The following COL5A1 variants were observed in gnomAD, a reference collection of about 807,000 sequenced individuals.
The protein encoded by COL5A1 is collagen type V alpha 1 chain.
A neutral mutation model predicts 263.7 loss-of-function variants in COL5A1; 16 were observed. The observed-to-expected ratio is 0.06, with a 90% CI of 0.04 to 0.09. The LOEUF is 0.09. Among genes scored for constraint, COL5A1 ranks in the 10% least tolerant of loss-of-function variants. The probability of loss-of-function intolerance (pLI) is 1.00; values close to 1 mark genes in which losing one functional copy is unlikely to be tolerated. For missense variants in COL5A1, 2,036 were observed against 2,540.5 expected, an observed-to-expected ratio of 0.80 and a Z score of 4.27; for synonymous variants, 1,012 against 1,004.5, an observed-to-expected ratio of 1.01 and a Z score of -0.14.
intron 1 of COL5A1, among the ~76,000 whole-genome samples, chr9:134,690,367 G>C (rs1355647112): frequency 2.0e-5 from 3 of 152,172 alleles, no homozygotes; most frequent in Non-Finnish European, 4.4e-5. Flanking sequence ...GGCCTCAGGT[G>C]GGGTGAAGGT....
chr9:134,739,322 C>T (rs540531325), intron 11 of COL5A1, among the ~76,000 whole-genome samples: 26 of 152,338 alleles, frequency 1.7e-4, no homozygotes, highest in East Asian at 5.8e-4. Context: ...ACCTGGTGGG[C>T]GCTCCAAGTA....
chr9:134,662,294 C>A (rs933672059), intron 1 of COL5A1, among the ~76,000 whole-genome samples: 1 of 152,204 alleles, frequency 6.6e-6, no homozygotes, highest in Non-Finnish European at 1.5e-5. Flanking sequence ...CCAGGCCGCT[C>A]AGGGCAGCTA....
chr9:134,694,874 G>A (rs958319824), intron 2 of COL5A1, among the ~76,000 whole-genome samples: 3 of 152,132 alleles, frequency 2.0e-5, no homozygotes, highest in Admixed American at 6.5e-5. Context: ...TGAAGGCAGC[G>A]GGCCTGGCTT....
intron 48 of COL5A1, 28 bp downstream of exon 48, chr9:134,812,740 G>A (rs1242508215): frequency 1.4e-6 from 2 of 1,466,854 alleles, no homozygotes; most frequent in Non-Finnish European, 1.9e-6. Flanking sequence ...TCTGGTGGCA[G>A]ATTTGCGGTT....
intron 4 of COL5A1, among the ~76,000 whole-genome samples, chr9:134,704,443 G>A (rs1419738376): frequency 1.3e-5 from 2 of 152,196 alleles, no homozygotes; most frequent in Non-Finnish European, 2.9e-5. Flanking sequence ...CTCTTGAATG[G>A]AGGAGGCTGT....
intron 2 of COL5A1, chr9:134,691,447 G>A (rs1022347754): frequency 3.3e-6 from 1 of 301,326 alleles, no homozygotes; most frequent in East Asian, 7.4e-5. Flanking sequence ...GGGGTCGTGG[G>A]AAAGGAAGCA....
chr9:134,757,954 A>G lies in COL5A1; in HGVS notation c.1882-289A>G, dbSNP rs559167833. On this transcript the variant is annotated intron_variant, in intron 17 of 65. Transcript: ENST00000371817. The surrounding 1 kb of genome is among the most constrained non-coding windows in gnomAD (Gnocchi z 6.2). ...GACACTCACACACACGGGAAACTGC[A>G]GCGGTCGCTGAAATACCGCATGACT... 7.2e-5 allele frequency among the ~76,000 whole-genome samples: 11 copies of G among 152,288 alleles called. No individual in the cohort carries two copies. The highest frequency in any genetic ancestry group is 1.3e-4 in the Non-Finnish European group (9 of 68,032).
intron 65 of COL5A1, among the ~76,000 whole-genome samples, chr9:134,836,702 G>A (rs1238199722): frequency 6.6e-6 from 1 of 152,230 alleles, no homozygotes; most frequent in Admixed American, 6.5e-5. Context: ...CAGCATCGCT[G>A]CGGAGCACCT....
At chr9:134,820,753 G>A (rs1202157358) in intron 58 of COL5A1, among the ~76,000 whole-genome samples, 1 of 152,164 alleles carries the variant, frequency 6.6e-6, no homozygotes, top group Non-Finnish European at 1.5e-5. Context: ...TGAGTGACTT[G>A]GAAGTGGCCT....
At chr9:134,804,616 C>T (rs959737899) in intron 39 of COL5A1, among the ~76,000 whole-genome samples, 1 of 152,204 alleles carries the variant, frequency 6.6e-6, no homozygotes, top group Non-Finnish European at 1.5e-5. Context: ...CAGATTTGCA[C>T]GCAGAGCCCG....
At chr9:134,766,362 C>T (rs1474546485) in intron 21 of COL5A1, 92 bp from the exon 22 acceptor site, 23 of 1,253,552 alleles carry the variant, frequency 1.8e-5, no homozygotes, top group Non-Finnish European at 2.5e-5. Context: ...GTGGGATGGG[C>T]GTCTGAGCTG....
intron 65 of COL5A1, among the ~76,000 whole-genome samples, chr9:134,837,286 G>A (rs865972609): frequency 3.9e-5 from 6 of 152,146 alleles, no homozygotes; most frequent in African/African-American, 1.4e-4. Flanking sequence ...AAACTAGCTG[G>A]CCCAGTGGGT....
intron 2 of COL5A1, 86 bp downstream of exon 2, chr9:134,691,165 T>A: frequency 6.4e-7 from 1 of 1,551,900 alleles, no homozygotes; most frequent in Non-Finnish European, 8.8e-7. Context: ...GCCTGCGTGG[T>A]GGCAGAAGCG....
Position 134,652,832 on chromosome 9 carries a change from C to T in COL5A1, c.109+10536C>T, listed in dbSNP as rs533943637. 7.7e-4 allele frequency: 333 copies of T among 435,222 alleles called. 1 individual carries two copies. The highest frequency in any genetic ancestry group is 4.9e-3 in the South Asian group (296 of 60,472). The allele number at this position is 435,222 out of a possible 1,614,324, so 27.0% of individuals were successfully genotyped here. ...ACTTTACCAGGCCCCAGAATCCCCC[C>T]GAGGCCTCTCTTAAGGCACAGATTG... On this transcript the variant is annotated intron_variant, in intron 1 of 65. Coordinates refer to ENST00000371817, the MANE Select transcript of COL5A1 (RefSeq NM_000093.5). The surrounding 1 kb of genome is among the most constrained non-coding windows in gnomAD (Gnocchi z 4.4).
Position 134,754,421 on chromosome 9 carries a change from C to A in COL5A1, c.1827+95C>A. The stretch of plus-strand genomic sequence containing the variant: ...CGGGCACCCCCAACAGCCAGCTGGG[C>A]CACATGAAGCCAGGTGGCTCCCCTT... On this transcript the variant is annotated intron_variant, in intron 16 of 65. Coordinates refer to ENST00000371817, the MANE Select transcript of COL5A1 (RefSeq NM_000093.5). This position sits in a 1 kb window ranked among gnomAD's most constrained non-coding sequence, Gnocchi z 4.3. 7.2e-7 allele frequency: 1 copy of A among 1,381,846 alleles called. No homozygotes were observed. The highest frequency in any genetic ancestry group is 1.0e-6 in the Non-Finnish European group (1 of 970,970). 85.6% of individuals were successfully genotyped at this position (1,381,846 alleles called of 1,614,324 possible).
intron 4 of COL5A1, among the ~76,000 whole-genome samples, chr9:134,719,234 T>C (rs1834368389): frequency 6.6e-6 from 1 of 152,156 alleles, no homozygotes; most frequent in Non-Finnish European, 1.5e-5. Flanking sequence ...ACCATATACA[T>C]ATGCATAAAA....
At chr9:134,833,669 T>TC (rs1424582709) in intron 64 of COL5A1, among the ~76,000 whole-genome samples, 4 of 152,100 alleles carry the variant, frequency 2.6e-5, no homozygotes, top group Non-Finnish European at 4.4e-5. Flanking sequence ...GCCCTGACCC[T>TC]CCCTCAGGCT....
chr9:134,760,074 G>GGA (rs1836264781), intron 18 of COL5A1, among the ~76,000 whole-genome samples: 1 of 53,268 alleles, frequency 1.9e-5, no homozygotes, highest in Admixed American at 2.7e-4. Context: ...ACTCATACAT[G>GGA]CACACACGCA....
Position 134,686,698 on chromosome 9 carries a change from A to G in COL5A1, c.110-4214A>G, listed in dbSNP as rs1377270929. On this transcript the variant is annotated intron_variant, in intron 1 of 65. Transcript: ENST00000371817. This position sits in a 1 kb window ranked among gnomAD's most constrained non-coding sequence, Gnocchi z 4.6. ...CCAGTGACAAATACTTCTACTTGTAACAGTGCAGGGGATGCAGGGGCCAAC... is the reference window on the plus strand; with the variant it reads ...CCAGTGACAAATACTTCTACTTGTAGCAGTGCAGGGGATGCAGGGGCCAAC... Among the ~76,000 whole-genome samples the G allele has an allele frequency of 6.6e-6, 1 of 152,160 alleles. No homozygotes were observed. Among genetic ancestry groups the G allele is most frequent in the Non-Finnish European group, 1.5e-5 (1 of 68,030 alleles).
Sources: allele counts gnomAD v4.1 joint callset (sites outside exome capture counted in the v4.1 genomes callset), GRCh38; gene constraint gnomAD v4.1.1; non-coding constraint Gnocchi (gnomAD v3.1); transcripts MANE v1.5; gene names NCBI Gene and HGNC (gene_info 2026-07-23, HGNC 2026-07-21).